SSTR3: variants seen among roughly 807,000 people sequenced by gnomAD.
The protein encoded by SSTR3 is somatostatin receptor type 3.
For missense variants in SSTR3, 504 were observed against 604.7 expected (o/e 0.83, Z 1.75); for synonymous variants, 281 against 269.2 (o/e 1.04, Z -0.43).
chr22:37,215,249 T>C (rs1043511446), upstream of SSTR3, among the ~76,000 whole-genome samples: 4 of 152,188 alleles, frequency 2.6e-5, no homozygotes, highest in Admixed American at 2.0e-4. Flanking sequence ...ATACCCATGG[T>C]AATTTTTTTT....
chr22:37,209,339 A>G (rs1481007319), intron 1 of SSTR3, among the ~76,000 whole-genome samples: 1 of 152,194 alleles, frequency 6.6e-6, no homozygotes, highest in Non-Finnish European at 1.5e-5. Context: ...AGCCAAGGGT[A>G]GCAAGGAACC....
the SSTR3 span, among the ~76,000 whole-genome samples, chr22:37,217,888 G>C: frequency 2.6e-5 from 4 of 152,078 alleles, no homozygotes; most frequent in African/African-American, 9.7e-5. Flanking sequence ...AATTTTAGTA[G>C]AGACAGGGTT....
upstream of SSTR3, among the ~76,000 whole-genome samples, chr22:37,216,980 C>T (rs181074409): frequency 3.9e-5 from 6 of 152,106 alleles, no homozygotes; most frequent in Admixed American, 2.0e-4. Flanking sequence ...TTTGTATTTT[C>T]GGTAGAGATG....
upstream of SSTR3, among the ~76,000 whole-genome samples, chr22:37,214,523 C>T (rs780491090): frequency 7.2e-5 from 11 of 151,976 alleles, no homozygotes; most frequent in Non-Finnish European, 1.2e-4. Context: ...GGGCGGGAGG[C>T]GGGGGGGCTC....
Position 37,206,449 on chromosome 22 carries a change from A to T in SSTR3, c.*98T>A. ...ATAGCATCAAAGTCCAGGCCCCTCA[A>T]CATCCCATCATGGGCCTGTGGCACC... is the stretch of plus-strand genomic sequence containing the variant. On this transcript the variant is annotated 3_prime_UTR_variant, in exon 2 of 2. Coordinates refer to ENST00000610913, the MANE Select transcript of SSTR3 (RefSeq NM_001051.5). 3.3e-6 allele frequency: 5 copies of T among 1,492,740 alleles called. No individual in the cohort carries two copies. The highest frequency in any genetic ancestry group is 3.5e-6 in the Non-Finnish European group (4 of 1,127,054). The allele number at this position is 1,492,740 out of a possible 1,614,324, so 92.5% of individuals were successfully genotyped here. A position where few individuals can be genotyped will look rare whatever the true frequency, so the allele number is the denominator to read the frequency against.
At chr22:37,209,651 A>C (rs918489721) in intron 1 of SSTR3, among the ~76,000 whole-genome samples, 1 of 152,210 alleles carries the variant, frequency 6.6e-6, no homozygotes, top group Non-Finnish European at 1.5e-5. Flanking sequence ...CGAGGGAGGC[A>C]CTACTGTCAT....
upstream of SSTR3, among the ~76,000 whole-genome samples, chr22:37,214,275 A>AG (rs887325173): frequency 5.3e-5 from 8 of 152,222 alleles, no homozygotes; most frequent in African/African-American, 4.8e-5. Context: ...AGGTGCAGAA[A>AG]GGGGGCTCTG....
In SSTR3 at chr22:37,207,698, T is replaced by A. The variant is rs1925927679; in HGVS notation, c.106A>T (p.Ser36Cys). ...ATLGNVSAGP[S>C]PAGLAVSGVL... Reference sequence around the variant, plus strand: ...CCACTGACGGCCAGCCCTGCCGGGCTTGGGCCCGCCGACACGTTGCCCAGG... The same window carrying A: ...CCACTGACGGCCAGCCCTGCCGGGCATGGGCCCGCCGACACGTTGCCCAGG... Residue 36 changes from serine (S) to cysteine (C), a missense_variant, in exon 2 of 2, where the codon AGC becomes TGC. Ser to Cys is a moderately radical substitution (Grantham distance 112, BLOSUM62 -1). Coordinates refer to ENST00000610913, the MANE Select transcript of SSTR3 (RefSeq NM_001051.5). 1.9e-6 allele frequency: 3 copies of A among 1,556,330 alleles called. No homozygotes were observed. The highest frequency in any genetic ancestry group is 1.4e-5 in the African/African-American group (1 of 73,366).
intron 1 of SSTR3, among the ~76,000 whole-genome samples, 172 bp from the exon 2 acceptor site, chr22:37,208,011 C>A (rs368147066): frequency 1.3e-5 from 2 of 152,200 alleles, no homozygotes; most frequent in African/African-American, 4.8e-5. Context: ...CCGCACAGCC[C>A]CGCAAGGCTG....
chr22:37,206,713 C>A lies in SSTR3; in HGVS notation c.1091G>T (p.Gly364Val). 2 of 1,608,824 alleles carry A rather than the reference C, an allele frequency of 1.2e-6. No individual in the cohort carries two copies. Among genetic ancestry groups the A allele is most frequent in the Non-Finnish European group, 1.7e-6 (2 of 1,179,886 alleles). Residue 364 changes from glycine (G) to valine (V), a missense_variant, in exon 2 of 2, where the codon GGG (glycine) becomes GTG (valine). Coordinates refer to ENST00000610913, the MANE Select transcript of SSTR3 (RefSeq NM_001051.5). Reference protein sequence around the residue: ...EEEDGEESREGGKGKEMNGRV... With the variant: ...EEEDGEESREVGKGKEMNGRV... The stretch of plus-strand genomic sequence containing the variant: ...GCCGTTCATCTCCTTCCCCTTGCCC[C>A]CCTCCCTGCTCTCCTCCCCATCCTC...
At chr22:37,216,255 T>C (rs1014463893), upstream of SSTR3, among the ~76,000 whole-genome samples, 3 of 140,540 alleles carry the variant, frequency 2.1e-5, no homozygotes, top group Non-Finnish European at 4.6e-5. Context: ...GTTAAGCTCT[T>C]TCTCGCTAAA....
At position 37,206,240 on chromosome 22, in the gene SSTR3, A is replaced by C; in HGVS notation, c.*307T>G. 3.1e-6 allele frequency: 1 copy of C among 319,472 alleles called. No individual in the cohort carries two copies. 19.8% of individuals were successfully genotyped at this position (319,472 alleles called of 1,614,324 possible). ...CCCAAGACACTCCATCCCTGGGGGG[A>C]GGCCAGTCTGCACCCACCTTTTGCC... On this transcript the variant is annotated 3_prime_UTR_variant, in exon 2 of 2. Coordinates refer to ENST00000610913, the MANE Select transcript of SSTR3 (RefSeq NM_001051.5).
chr22:37,220,200 G>A, the SSTR3 span, among the ~76,000 whole-genome samples: 2 of 152,136 alleles, frequency 1.3e-5, no homozygotes, highest in African/African-American at 4.8e-5. Flanking sequence ...TTGAGTGTGG[G>A]GTGATTGTGG....
chr22:37,216,021 TATATC>T (rs1487026018), upstream of SSTR3: 1 of 156,948 alleles, frequency 6.4e-6, no homozygotes, highest in Non-Finnish European at 1.4e-5. Flanking sequence ...AATATAACAA[TATATC>T]ATAACAGAAG....
intron 1 of SSTR3, chr22:37,210,709 A>G (rs1926139793): frequency 3.0e-6 from 3 of 985,326 alleles, no homozygotes; most frequent in Admixed American, 1.2e-4. Flanking sequence ...AGGAGACAGC[A>G]CAGAGAGGGT....
At position 37,205,663 on chromosome 22, in the gene SSTR3, C is replaced by G. The variant is rs1925683861; in HGVS notation, c.*884G>C. The G allele has an allele frequency of 1.3e-5, 2 of 152,258 alleles. No homozygotes were observed. The highest frequency in any genetic ancestry group is 4.8e-5 in the African/African-American group (2 of 41,446). 9.4% of individuals were successfully genotyped at this position (152,258 alleles called of 1,614,324 possible). ...AAGCCCTCAAAAGACCTGGGAACCC[C>G]CGGGGGCCCCTACTCCAGCCATAAG... On this transcript the variant is annotated 3_prime_UTR_variant, in exon 2 of 2. Transcript: ENST00000610913.
upstream of SSTR3, among the ~76,000 whole-genome samples, chr22:37,212,888 C>G (rs1376965285): frequency 1.3e-5 from 2 of 152,086 alleles, no homozygotes; most frequent in African/African-American, 4.8e-5. Context: ...CTGGAGAGCC[C>G]CAGGCAGGGT....
chr22:37,209,571 T>C (rs1926067155), intron 1 of SSTR3, among the ~76,000 whole-genome samples: 1 of 152,316 alleles, frequency 6.6e-6, no homozygotes, highest in East Asian at 1.9e-4. Flanking sequence ...TGCCAGCTGC[T>C]CATCACTGAG....
At chr22:37,211,781 G>T in intron 1 of SSTR3, 44 bp downstream of exon 1, 1 of 985,444 alleles carries the variant, frequency 1.0e-6, no homozygotes, top group South Asian at 4.7e-5. Context: ...TGGGCTTCCA[G>T]GACCCCACCC....
Sources: gnomAD v4.1 joint callset for allele counts (sites outside exome capture counted in the v4.1 genomes callset) on GRCh38, gnomAD v4.1.1 for gene constraint, MANE v1.5 for transcripts, NCBI Gene and HGNC (gene_info 2026-07-23, HGNC 2026-07-21) for gene names.